FBXL13: variants seen among roughly 807,000 people sequenced by gnomAD.
FBXL13 encodes F-box and leucine rich repeat protein 13.
In FBXL13, 67 loss-of-function variants were observed where a neutral mutation model predicts 83.6. The observed-to-expected ratio is 0.80, with a 90% CI of 0.66 to 0.98. The LOEUF is 0.98. FBXL13 is among the 50% of genes least tolerant of loss of function. The probability of loss-of-function intolerance (pLI) is 0.00; values close to 1 mark genes in which losing one functional copy is unlikely to be tolerated. For missense variants in FBXL13, 822 were observed against 866.5 expected (o/e 0.95, Z 0.64); for synonymous variants, 272 against 299.5 (o/e 0.91, Z 0.95).
At chr7:102,885,400 C>A (rs956217077) in intron 11 of FBXL13, among the ~76,000 whole-genome samples, 175 of 151,574 alleles carry the variant, frequency 1.2e-3, no homozygotes, top group African/African-American at 4.1e-3. Context: ...TACTTGCTAG[C>A]CATTGGTATG....
intron 6 of FBXL13, among the ~76,000 whole-genome samples, chr7:102,970,175 T>C (rs1165324054): frequency 1.3e-5 from 2 of 151,340 alleles, no homozygotes; most frequent in Admixed American, 1.3e-4. Context: ...TGTTTGAGCC[T>C]GGGAGGCTGC....
At chr7:103,030,551 G>T (rs1179392462) in intron 2 of FBXL13, among the ~76,000 whole-genome samples, 2 of 152,146 alleles carry the variant, frequency 1.3e-5, no homozygotes, top group Admixed American at 6.5e-5. Flanking sequence ...CAGTACTGTT[G>T]TAGGTCCCTA....
intron 6 of FBXL13, among the ~76,000 whole-genome samples, chr7:103,022,999 A>G (rs11973562): frequency 0.011 from 1,683 of 152,306 alleles, 35 homozygotes; most frequent in African/African-American, 0.039. Context: ...ACCATTAGCC[A>G]GGCACGGTGG....
At chr7:102,890,946 T>C (rs1811464574) in intron 11 of FBXL13, among the ~76,000 whole-genome samples, 1 of 152,180 alleles carries the variant, frequency 6.6e-6, no homozygotes, top group Non-Finnish European at 1.5e-5. Context: ...TTTAGTAATA[T>C]CCATATATTT....
chr7:103,066,351 T>A (rs1798386043), intron 1 of FBXL13, among the ~76,000 whole-genome samples: 2 of 152,098 alleles, frequency 1.3e-5, no homozygotes, highest in Non-Finnish European at 2.9e-5. Context: ...TCACATCTTG[T>A]CCTAAGAAAC....
At chr7:102,849,057 ACTTAT>A (rs2129450659) in intron 17 of FBXL13, among the ~76,000 whole-genome samples, 1 of 152,308 alleles carries the variant, frequency 6.6e-6, no homozygotes, top group African/African-American at 2.4e-5. Flanking sequence ...TATCAAAACA[ACTTAT>A]TAAGATGGAA....
intron 6 of FBXL13, among the ~76,000 whole-genome samples, chr7:102,999,981 GGTTA>G (rs1790220334): frequency 6.6e-6 from 1 of 151,862 alleles, no homozygotes; most frequent in South Asian, 2.1e-4. Flanking sequence ...TGGATCATTA[GGTTA>G]TTTATTTGAA....
intron 18 of FBXL13, among the ~76,000 whole-genome samples, chr7:102,827,465 T>C (rs1363356671): frequency 6.6e-6 from 1 of 152,154 alleles, no homozygotes; most frequent in Non-Finnish European, 1.5e-5. Flanking sequence ...CAGCAAAAGA[T>C]CAGCCAATAC....
At chr7:102,913,106 C>G (rs78663338) in exon 11 of FBXL13, 1 of 1,614,154 alleles carries the variant, frequency 6.2e-7, no homozygotes, top group African/African-American at 1.3e-5. Context: ...CCAGAGAGGT[C>G]CAGATAGATG....
At chr7:102,973,729 T>C (rs772906053) in intron 6 of FBXL13, 4 of 766,256 alleles carry the variant, frequency 5.2e-6, no homozygotes. Flanking sequence ...AGCCTCCAGT[T>C]GCTTCTCTGT....
At chr7:103,023,570 C>G (rs1279611670) in intron 6 of FBXL13, among the ~76,000 whole-genome samples, 1 of 152,156 alleles carries the variant, frequency 6.6e-6, no homozygotes, top group Admixed American at 6.5e-5. Context: ...TTGGCCATTT[C>G]TCAAAGAACA....
intron 8 of FBXL13, among the ~76,000 whole-genome samples, chr7:102,940,338 T>G (rs928013189): frequency 4.6e-5 from 7 of 151,786 alleles, no homozygotes; most frequent in Non-Finnish European, 1.0e-4. Context: ...GCCTCCCAAG[T>G]AGCTGGAACT....
At chr7:102,922,121 C>T (rs112412283) in intron 10 of FBXL13, among the ~76,000 whole-genome samples, 3,428 of 151,270 alleles carry the variant, frequency 0.023, 97 homozygotes, top group East Asian at 0.067. Flanking sequence ...GCCCGCGAGG[C>T]GGAGGTTGCA....
At chr7:102,890,864 T>C (rs10273725) in intron 11 of FBXL13, among the ~76,000 whole-genome samples, 38,010 of 152,058 alleles carry the variant, frequency 0.25, 5,643 homozygotes, top group East Asian at 0.6. Context: ...ATGCTGTGTT[T>C]CTGTACCACC....
intron 4 of FBXL13, among the ~76,000 whole-genome samples, chr7:103,027,822 TTTTAAACAAGGTTGTTC>T: frequency 6.6e-6 from 1 of 152,358 alleles, no homozygotes; most frequent in Non-Finnish European, 1.5e-5. Flanking sequence ...CATTTCCTTT[TTTTAAACAAGGTTGTTC>T]TTTGTAAAAC....
At chr7:102,813,289 G>C (rs981329403) in exon 20 of FBXL13, 1 of 1,510,118 alleles carries the variant, frequency 6.6e-7, no homozygotes, top group African/African-American at 1.4e-5. Flanking sequence ...GCAACAAATG[G>C]AGAAAACTTG....
In FBXL13 at chr7:103,006,351, A is replaced by G. The variant is rs190174276; in HGVS notation, c.495+18712T>C. Among the ~76,000 whole-genome samples, 6 of 152,354 alleles carry G rather than the reference A, an allele frequency of 3.9e-5. No homozygotes were observed. The East Asian group carries it at 1.2e-3, about 29-fold the overall frequency. ...GAGACACCATGAAGCTGAACAAAAA[A>G]TATCTACCAGGGACAAAACATATAC... On this transcript the variant is annotated intron_variant, in intron 6 of 19. Coordinates refer to ENST00000313221, the Ensembl canonical transcript of FBXL13.
chr7:103,004,342 C>A (rs200119926), intron 6 of FBXL13, among the ~76,000 whole-genome samples: 3 of 152,126 alleles, frequency 2.0e-5, no homozygotes, highest in African/African-American at 7.2e-5. Flanking sequence ...CATAGGCTGG[C>A]GGAGGAGGCC....
At chr7:103,010,801 C>G (rs1329985720) in intron 6 of FBXL13, among the ~76,000 whole-genome samples, 1 of 152,166 alleles carries the variant, frequency 6.6e-6, no homozygotes, top group Non-Finnish European at 1.5e-5. Flanking sequence ...AGCACACAGA[C>G]AGAAGATTAG....
Sources: gnomAD v4.1 joint callset for allele counts (sites outside exome capture counted in the v4.1 genomes callset) on GRCh38, gnomAD v4.1.1 for gene constraint, MANE v1.5 for transcripts, NCBI Gene and HGNC (gene_info 2026-07-23, HGNC 2026-07-21) for gene names.